NRXN2: variants seen among roughly 807,000 people sequenced by gnomAD.
The protein encoded by NRXN2 is neurexin 2, also known as neurexin-2-beta.
A neutral mutation model predicts 128.8 loss-of-function variants in NRXN2; 29 were observed. The ratio of observed to expected loss-of-function variants is 0.23; its 90% CI spans 0.17 to 0.31. The LOEUF (loss-of-function observed/expected upper bound fraction) is 0.31, where lower values mean the gene tolerates loss of function less well. Ranked by LOEUF, NRXN2 falls within the 10% of genes least tolerant of loss-of-function variation. NRXN2 has a pLI of 1.00. For missense variants in NRXN2, 1,881 were observed against 2,452.6 expected (o/e 0.77, Z 4.92); for synonymous variants, 1,098 against 1,075.2 (o/e 1.02, Z -0.41).
At chr11:64,690,506 C>T (rs1340759083) in intron 4 of NRXN2, 30 bp from the exon 5 acceptor site, 1 of 1,587,824 alleles carries the variant, frequency 6.3e-7, no homozygotes, top group Admixed American at 1.7e-5. Context: ...GAGTCAGGCA[C>T]AGGGGGTACC....
chr11:64,658,179 A>C (rs1473114720), intron 11 of NRXN2, among the ~76,000 whole-genome samples: 1 of 152,186 alleles, frequency 6.6e-6, no homozygotes, highest in Non-Finnish European at 1.5e-5. Context: ...TGCAGATCCA[A>C]GGCCCCAGAT....
Position 64,704,736 on chromosome 11 carries a change from T to G in NRXN2, c.731-6944A>C, listed in dbSNP as rs145988843. 3.3e-3 allele frequency among the ~76,000 whole-genome samples: 498 copies of G among 150,352 alleles called. 3 individuals carry two copies. Among genetic ancestry groups the G allele is most frequent in the African/African-American group, 0.011 (455 of 40,922 alleles). On this transcript the variant is annotated intron_variant, in intron 2 of 22. Transcript: ENST00000265459. ...ACAGAAAAACTAGAAAAAGCTAATATAAGAATTCAGAAGTACAGCAGTCAG... is the reference window on the plus strand; with the variant it reads ...ACAGAAAAACTAGAAAAAGCTAATAGAAGAATTCAGAAGTACAGCAGTCAG...
intron 17 of NRXN2, among the ~76,000 whole-genome samples, chr11:64,640,682 CTG>C (rs1394655532): frequency 1.3e-5 from 2 of 151,918 alleles, no homozygotes; most frequent in East Asian, 1.9e-4. Flanking sequence ...ATGAGGCAAA[CTG>C]TATTCGGGAT....
Position 64,667,739 on chromosome 11 carries a change from C to T in NRXN2, c.1360-51G>A, listed in dbSNP as rs1335645865. On this transcript the variant is annotated intron_variant, in intron 8 of 22. Coordinates refer to ENST00000265459, the MANE Select transcript of NRXN2 (RefSeq NM_015080.4). This position sits in a 1 kb window ranked among gnomAD's most constrained non-coding sequence, Gnocchi z 5.6. The stretch of plus-strand genomic sequence containing the variant: ...TAAAGAATCCGAAAGCAGCTTAGGG[C>T]CTGGCCACTCCCACCCAGCAGCGAG... 3.2e-6 allele frequency: 5 copies of T among 1,571,176 alleles called. No homozygotes were observed. The highest frequency in any genetic ancestry group is 1.7e-5 in the Admixed American group (1 of 59,648).
chr11:64,610,976 C>CA (rs1377947506), intron 22 of NRXN2, among the ~76,000 whole-genome samples: 1 of 152,202 alleles, frequency 6.6e-6, no homozygotes, highest in African/African-American at 2.4e-5. Context: ...CCTCCTCTTC[C>CA]AGGCAGAGGA....
chr11:64,671,667 T>A (rs1281227082), intron 7 of NRXN2, among the ~76,000 whole-genome samples: 1 of 151,554 alleles, frequency 6.6e-6, no homozygotes, highest in Non-Finnish European at 1.5e-5. Flanking sequence ...TAAGAAGGCG[T>A]GCGGGGCAGG....
chr11:64,686,268 C>G (rs1320485676), intron 5 of NRXN2, among the ~76,000 whole-genome samples: 1 of 152,156 alleles, frequency 6.6e-6, no homozygotes, highest in African/African-American at 2.4e-5. Flanking sequence ...CTCCTCCCCA[C>G]CAACCTTCCC....
chr11:64,630,280 G>T lies in NRXN2; in HGVS notation c.3757+122C>A. On this transcript the variant is annotated intron_variant, in intron 19 of 22. Transcript: ENST00000265459. This position sits in a 1 kb window ranked among gnomAD's most constrained non-coding sequence, Gnocchi z 4.6. ...CAAGCTTCGTCTCTCCAGTAGCCCCGCCCCAGAGCCGCTTAGCCCCGCCCC... is the reference window on the plus strand; with the variant it reads ...CAAGCTTCGTCTCTCCAGTAGCCCCTCCCCAGAGCCGCTTAGCCCCGCCCC... 1.1e-6 allele frequency: 1 copy of T among 910,618 alleles called. No homozygotes were observed. The highest frequency in any genetic ancestry group is 1.6e-6 in the Non-Finnish European group (1 of 627,774). 56.4% of individuals were successfully genotyped at this position (910,618 alleles called of 1,614,324 possible). A position where few individuals can be genotyped will look rare whatever the true frequency, so the allele number is the denominator to read the frequency against.
At chr11:64,719,657 C>T (rs1269813286) in intron 1 of NRXN2, among the ~76,000 whole-genome samples, 3 of 151,986 alleles carry the variant, frequency 2.0e-5, no homozygotes, top group Admixed American at 6.6e-5. Flanking sequence ...GAGTGGGGGC[C>T]GGAGGACAGG....
Position 64,713,516 on chromosome 11 carries a change from T to C in NRXN2, c.184A>G (p.Thr62Ala). 1 of 1,511,902 alleles carries C rather than the reference T, an allele frequency of 6.6e-7. No homozygotes were observed. The highest frequency in any genetic ancestry group is 1.4e-5 in the African/African-American group (1 of 70,056). The allele number at this position is 1,511,902 out of a possible 1,614,324, so 93.7% of individuals were successfully genotyped here. The change falls in exon 2 of 23, where the codon ACG (threonine) becomes GCG (alanine). Residue 62 changes from threonine to alanine, a missense_variant. Transcript: ENST00000265459. ...ELSFSLRTNA[T>A]RALLLYLDDG... Reference sequence around the variant, plus strand: ...TCCAGGTAGAGCAGCAGCGCGCGCGTGGCGTTGGTGCGCAGGCTGAAGCTG... The same window carrying C: ...TCCAGGTAGAGCAGCAGCGCGCGCGCGGCGTTGGTGCGCAGGCTGAAGCTG...
chr11:64,626,165 G>A (rs1186583730), intron 20 of NRXN2, among the ~76,000 whole-genome samples: 1 of 152,094 alleles, frequency 6.6e-6, no homozygotes, highest in Non-Finnish European at 1.5e-5. Context: ...GGCTCACAGT[G>A]GGGAGCTCCC....
At position 64,648,348 on chromosome 11, in the gene NRXN2, G is replaced by A. The variant is rs755368405; in HGVS notation, c.3284-10C>T. 11 of 1,614,126 alleles carry A rather than the reference G, an allele frequency of 6.8e-6. No individual in the cohort carries two copies. In the Admixed American group the frequency reaches 8.3e-5, roughly 12 times the overall value. On this transcript the variant is annotated splice_polypyrimidine_tract_variant and intron_variant, in intron 16 of 22. Transcript: ENST00000265459. This position sits in a 1 kb window ranked among gnomAD's most constrained non-coding sequence, Gnocchi z 4.1. ...CAGGTGGTGCTGGGGCCTGGAAGGG[G>A]CAGGAGAAAGGAACACCCCTGGCTC... is the stretch of plus-strand genomic sequence containing the variant.
Position 64,622,760 on chromosome 11 carries a change from G to T in NRXN2, c.4166C>A (p.Thr1389Asn). ...GCCAGAGTGGGGCCTCACCTGGGTG[G>T]TGCTGTCCCTCAGTGTGGGGGAGCG... The part of the protein sequence containing the change: ...RGRSPTLRDS[T>N]TQNTDDLLVA... Residue 1389 changes from threonine (T) to asparagine (N), a missense_variant, in exon 21 of 23, where the codon ACC becomes AAC. This residue lies in a region of NRXN2 where 108 missense variants were observed against 165.2 expected (regional missense o/e 0.65). Transcript: ENST00000265459. The surrounding 1 kb of genome is among the most constrained non-coding windows in gnomAD (Gnocchi z 4.3). 2 of 1,608,568 alleles carry T rather than the reference G, an allele frequency of 1.2e-6. No individual in the cohort carries two copies. Among genetic ancestry groups the T allele is most frequent in the Non-Finnish European group, 1.7e-6 (2 of 1,178,304 alleles).
intron 11 of NRXN2, among the ~76,000 whole-genome samples, chr11:64,655,340 T>C (rs2048103141): frequency 6.6e-6 from 1 of 151,344 alleles, no homozygotes; most frequent in South Asian, 2.1e-4. Flanking sequence ...GAAGTCTCAG[T>C]GAGAGGAATG....
rs1415436949 is a variant in NRXN2, at chr11:64,622,553, C to T, written c.4173+200G>A. On this transcript the variant is annotated intron_variant, in intron 21 of 22. Coordinates refer to ENST00000265459, the MANE Select transcript of NRXN2 (RefSeq NM_015080.4). This position sits in a 1 kb window ranked among gnomAD's most constrained non-coding sequence, Gnocchi z 4.3. ...AGTGGTCACCCCCACATCACAAGAT[C>T]CCTGGTCATTAGGGTGAAGGCCACT... 2.6e-5 allele frequency among the ~76,000 whole-genome samples: 4 copies of T among 152,252 alleles called. No individual in the cohort carries two copies. Among genetic ancestry groups the T allele is most frequent in the African/African-American group, 9.6e-5 (4 of 41,460 alleles).
chr11:64,644,981 T>G (rs953386292), intron 17 of NRXN2, among the ~76,000 whole-genome samples: 1 of 152,152 alleles, frequency 6.6e-6, no homozygotes, highest in Non-Finnish European at 1.5e-5. Context: ...CCCTACTACA[T>G]GCCAGAGCTG....
At chr11:64,658,948 C>T (rs1436713845) in intron 11 of NRXN2, among the ~76,000 whole-genome samples, 1 of 152,188 alleles carries the variant, frequency 6.6e-6, no homozygotes, top group South Asian at 2.1e-4. Context: ...CACATGAACC[C>T]GGGAGGCAGA....
At chr11:64,684,248 C>T (rs1188834473) in intron 6 of NRXN2, among the ~76,000 whole-genome samples, 1 of 152,188 alleles carries the variant, frequency 6.6e-6, no homozygotes, top group Non-Finnish European at 1.5e-5. Flanking sequence ...GAGGCAACTC[C>T]TCTATACCCC....
Position 64,667,423 on chromosome 11 carries a change from G to C in NRXN2, c.1625C>G (p.Ala542Gly). The C allele has an allele frequency of 6.2e-7, 1 of 1,614,144 alleles. No homozygotes were observed. The highest frequency in any genetic ancestry group is 8.5e-7 in the Non-Finnish European group (1 of 1,180,006). ...CCGCTGAGCAGAGCTGTGGCTGCCA[G>C]CTCCACCCCCAGCCCGCCGGCCCTG... is the stretch of plus-strand genomic sequence containing the variant. The part of the protein sequence containing the change: ...FSQGRRAGGG[A>G]GSHSSAQRAD... Residue 542 changes from alanine (A) to glycine (G), a missense_variant, in exon 9 of 23, where the codon GCT (alanine) becomes GGT (glycine). By Grantham distance (60) the Ala-to-Gly change is moderately conservative (BLOSUM62 0). Transcript: ENST00000265459. This position sits in a 1 kb window ranked among gnomAD's most constrained non-coding sequence, Gnocchi z 5.6.
Sources: gnomAD v4.1 joint callset for allele counts (sites outside exome capture counted in the v4.1 genomes callset) on GRCh38, gnomAD v4.1.1 for gene constraint, gnomAD v4.1.1 regional missense constraint, Gnocchi (gnomAD v3.1) non-coding constraint, MANE v1.5 for transcripts, NCBI Gene and HGNC (gene_info 2026-07-23, HGNC 2026-07-21) for gene names.